Variants in SLC16A10 observed in about 807,000 individuals in gnomAD.
The protein encoded by SLC16A10 is monocarboxylate transporter 10.
In SLC16A10, 27 loss-of-function variants were observed where a neutral mutation model predicts 40.0. The observed-to-expected ratio is 0.67, with a 90% CI of 0.50 to 0.93. The LOEUF is 0.93. Among genes scored for constraint, SLC16A10 ranks in the 40% least tolerant of loss-of-function variants. The probability of loss-of-function intolerance (pLI) is 0.00; values close to 1 mark genes in which losing one functional copy is unlikely to be tolerated. For synonymous variants in SLC16A10, 213 were observed against 249.8 expected, an observed-to-expected ratio of 0.85 and a Z score of 1.39; for missense variants, 529 against 658.2, an observed-to-expected ratio of 0.80 and a Z score of 2.15.
chr6:111,151,704 C>T (rs1219807982), intron 1 of SLC16A10, among the ~76,000 whole-genome samples: 1 of 152,206 alleles, frequency 6.6e-6, no homozygotes. Flanking sequence ...ACTGACATGG[C>T]TTTGCTGTGA....
rs973924290 is a variant in SLC16A10 at position 111,227,907 on chromosome 6, G to A, written c.*5672G>A. ...TGAGTCAACTCCTGCTTCATCAGAA[G>A]GGAGCTAATGGTGATTCTGGGATTA... On this transcript the variant is annotated 3_prime_UTR_variant, in exon 6 of 6. Coordinates refer to ENST00000368851, the MANE Select transcript of SLC16A10 (RefSeq NM_018593.5). 2.6e-5 allele frequency: 4 copies of A among 152,222 alleles called. No homozygotes were observed. The highest frequency in any genetic ancestry group is 9.7e-5 in the African/African-American group (4 of 41,450). The allele number at this position is 152,222 out of a possible 1,614,324, so 9.4% of individuals were successfully genotyped here. A position where few individuals can be genotyped will look rare whatever the true frequency, so the allele number is the denominator to read the frequency against.
At chr6:111,144,183 G>A (rs576465682) in intron 1 of SLC16A10, among the ~76,000 whole-genome samples, 26 of 152,134 alleles carry the variant, frequency 1.7e-4, no homozygotes, top group Non-Finnish European at 2.9e-4. Flanking sequence ...AATTATATTT[G>A]AGGGAAAATA....
At chr6:111,187,037 A>C (rs969285743) in intron 3 of SLC16A10, among the ~76,000 whole-genome samples, 2 of 152,210 alleles carry the variant, frequency 1.3e-5, no homozygotes, top group Non-Finnish European at 2.9e-5. Flanking sequence ...CAGTGGCAAC[A>C]TCTAGTCTTC....
intron 4 of SLC16A10, among the ~76,000 whole-genome samples, chr6:111,212,194 A>G (rs1434750765): frequency 6.6e-6 from 1 of 151,710 alleles, no homozygotes. Flanking sequence ...TCTACCACCA[A>G]CTTGAGAATC....
At chr6:111,109,604 G>A (rs1178952038) in intron 1 of SLC16A10, among the ~76,000 whole-genome samples, 3 of 151,910 alleles carry the variant, frequency 2.0e-5, no homozygotes, top group African/African-American at 7.3e-5. Flanking sequence ...ACAGGTGTGT[G>A]CTAGTCTGTC....
intron 1 of SLC16A10, among the ~76,000 whole-genome samples, chr6:111,098,384 C>A (rs1771114286): frequency 6.6e-6 from 1 of 151,808 alleles, no homozygotes; most frequent in Non-Finnish European, 1.5e-5. Flanking sequence ...ATAGTGAGAC[C>A]CCATCTCTAC....
At chr6:111,152,010 A>G (rs184564878) in intron 1 of SLC16A10, among the ~76,000 whole-genome samples, 10 of 152,252 alleles carry the variant, frequency 6.6e-5, no homozygotes, top group African/African-American at 2.4e-4. Context: ...GTTTCTTGAG[A>G]TTAGGGACCT....
chr6:111,152,299 T>C (rs1772185948), intron 1 of SLC16A10, among the ~76,000 whole-genome samples: 1 of 152,214 alleles, frequency 6.6e-6, no homozygotes. Context: ...CCCGGTAGAA[T>C]GGCAGCTCCA....
At chr6:111,113,496 C>G (rs1332274903) in intron 1 of SLC16A10, among the ~76,000 whole-genome samples, 1 of 152,128 alleles carries the variant, frequency 6.6e-6, no homozygotes, top group African/African-American at 2.4e-5. Context: ...TGTTTTGCCA[C>G]TTTTAACTCT....
At chr6:111,179,563 GA>G (rs1236398370) in intron 3 of SLC16A10, among the ~76,000 whole-genome samples, 2 of 152,132 alleles carry the variant, frequency 1.3e-5, no homozygotes, top group South Asian at 2.1e-4. Context: ...TATGCCTAAG[GA>G]AATTTAATAA....
At chr6:111,099,648 G>A (rs1048826673) in intron 1 of SLC16A10, among the ~76,000 whole-genome samples, 7 of 152,140 alleles carry the variant, frequency 4.6e-5, no homozygotes, top group African/African-American at 1.2e-4. Flanking sequence ...ATCCTATTTT[G>A]TATGGAGAGG....
chr6:111,110,948 A>C (rs538336938), intron 1 of SLC16A10, among the ~76,000 whole-genome samples: 1 of 151,608 alleles, frequency 6.6e-6, no homozygotes, highest in Non-Finnish European at 1.5e-5. Context: ...TACATTTTTT[A>C]TTGTGACAAA....
chr6:111,167,692 G>A (rs940500254), intron 1 of SLC16A10, among the ~76,000 whole-genome samples: 3 of 151,718 alleles, frequency 2.0e-5, no homozygotes, highest in South Asian at 2.1e-4. Flanking sequence ...AGAGAGAGAC[G>A]AGGTCTTGCT....
At chr6:111,130,551 C>T (rs896464587) in intron 1 of SLC16A10, among the ~76,000 whole-genome samples, 1 of 152,152 alleles carries the variant, frequency 6.6e-6, no homozygotes. Context: ...GTGTGTGGAG[C>T]TTCCTTGTGG....
At chr6:111,171,325 A>G (rs533769196) in intron 1 of SLC16A10, among the ~76,000 whole-genome samples, 7 of 152,286 alleles carry the variant, frequency 4.6e-5, no homozygotes, top group African/African-American at 1.7e-4. Flanking sequence ...TTAAGATTAT[A>G]GTCTTCTTTC....
At position 111,222,834 on chromosome 6, in the gene SLC16A10, A is replaced by G. The variant is rs1038967632; in HGVS notation, c.*599A>G. 3.3e-5 allele frequency: 5 copies of G among 152,856 alleles called. No individual in the cohort carries two copies. The highest frequency in any genetic ancestry group is 1.2e-4 in the African/African-American group (5 of 41,474). 9.5% of individuals were successfully genotyped at this position (152,856 alleles called of 1,614,324 possible). ...GGGAGCAGGTGCTAACATAGTGTTC[A>G]GAATCAATATGTGAGATGAAAAGGA... On this transcript the variant is annotated 3_prime_UTR_variant, in exon 6 of 6. Coordinates refer to ENST00000368851, the MANE Select transcript of SLC16A10 (RefSeq NM_018593.5).
intron 2 of SLC16A10, 46 bp downstream of exon 2, chr6:111,172,885 A>T (rs1203421042): frequency 1.6e-5 from 26 of 1,585,252 alleles, no homozygotes; most frequent in Non-Finnish European, 2.1e-5. Context: ...ACTGTTAGAT[A>T]CCTTAAAGTT....
chr6:111,185,630 A>T (rs937567403), intron 3 of SLC16A10, among the ~76,000 whole-genome samples: 1 of 152,208 alleles, frequency 6.6e-6, no homozygotes, highest in African/African-American at 2.4e-5. Context: ...TGGACCATAC[A>T]TAGCTTTGTG....
Position 111,230,563 on chromosome 6 carries a change from CTT to C in SLC16A10, c.*8329_*8330del, listed in dbSNP as rs1159611814. The C allele has an allele frequency of 2.0e-5, 3 of 152,260 alleles. No homozygotes were observed. Among genetic ancestry groups the C allele is most frequent in the South Asian group, 4.1e-4 (2 of 4,822 alleles). The allele number at this position is 152,260 out of a possible 1,614,324, so 9.4% of individuals were successfully genotyped here. A position where few individuals can be genotyped will look rare whatever the true frequency, so the allele number is the denominator to read the frequency against. On this transcript the variant is annotated 3_prime_UTR_variant, in exon 6 of 6. Coordinates refer to ENST00000368851, the MANE Select transcript of SLC16A10 (RefSeq NM_018593.5). The stretch of plus-strand genomic sequence containing the variant: ...ACTCTAATAATAACTTCTGATGTAA[CTT>C]AATGTGGTTTGAGATGTGTAAGATT...
Sources: gnomAD v4.1 joint callset for allele counts (sites outside exome capture counted in the v4.1 genomes callset) on GRCh38, gnomAD v4.1.1 for gene constraint, MANE v1.5 for transcripts, NCBI Gene and HGNC (gene_info 2026-07-23, HGNC 2026-07-21) for gene names.